Variants in PGR observed in about 807,000 individuals in gnomAD.
PGR encodes the protein nuclear receptor subfamily 3 group C member 3.
PGR carries 25 observed loss-of-function variants against 76.1 expected under a neutral mutation model. The observed-to-expected ratio is 0.33, with a 90% CI of 0.24 to 0.46. The LOEUF (loss-of-function observed/expected upper bound fraction) is 0.46. Ranked by LOEUF, PGR falls within the 20% of genes least tolerant of loss-of-function variation. The pLI is 1.00. For synonymous variants in PGR, 579 were observed against 535.0 expected, an observed-to-expected ratio of 1.08 and a Z score of -1.14; for missense variants, 1,172 against 1,225.3, an observed-to-expected ratio of 0.96 and a Z score of 0.65.
In PGR at chr11:101,039,161, C is replaced by CCCTGCACAA. The variant is rs1198435158; in HGVS notation, c.2756_2757insTTGTGCAGG (p.Lys919delinsAsnCysAlaGly). ...GGGGTTTCACCATCCCTGCCAATATCTTGGGTAATTGTGCAGCAATAACTT... is the reference window on the plus strand; with the variant it reads ...GGGGTTTCACCATCCCTGCCAATATCCCTGCACAATTGGGTAATTGTGCAGCAATAACTT... On this transcript the variant is annotated protein_altering_variant, in exon 8 of 8. Transcript: ENST00000325455. 6.2e-7 allele frequency: 1 copy of CCCTGCACAA among 1,612,022 alleles called. No homozygotes were observed. Among genetic ancestry groups the CCCTGCACAA allele is most frequent in the Non-Finnish European group, 8.5e-7 (1 of 1,178,480 alleles).
At chr11:101,094,558 T>C (rs1419255125) in intron 2 of PGR, among the ~76,000 whole-genome samples, 3 of 152,248 alleles carry the variant, frequency 2.0e-5, no homozygotes, top group African/African-American at 7.2e-5. Context: ...TATCTTCTGA[T>C]GGTCCCAAAA....
chr11:101,031,428 T>C lies in PGR; in HGVS notation c.*7688A>G, dbSNP rs945896824. The C allele has an allele frequency of 4.4e-6, 1 of 225,706 alleles. No homozygotes were observed. The highest frequency in any genetic ancestry group is 2.2e-5 in the African/African-American group (1 of 44,896). 14.0% of individuals were successfully genotyped at this position (225,706 alleles called of 1,614,324 possible). ...GAACTAACAATTTCCTTGATGGAAA[T>C]TGAATAAGGTAATCCAAAAAGAAGG... On this transcript the variant is annotated 3_prime_UTR_variant, in exon 8 of 8. Coordinates refer to ENST00000325455, the MANE Select transcript of PGR (RefSeq NM_000926.4).
chr11:101,112,970 A>T (rs930894154), intron 2 of PGR, among the ~76,000 whole-genome samples: 4 of 152,270 alleles, frequency 2.6e-5, no homozygotes, highest in African/African-American at 7.2e-5. Context: ...ATATGTGTTC[A>T]ATAAATGCCA....
At chr11:101,085,648 C>CCT in intron 3 of PGR, among the ~76,000 whole-genome samples, 1 of 145,726 alleles carries the variant, frequency 6.9e-6, no homozygotes, top group East Asian at 2.1e-4. Flanking sequence ...AAAGAATCAA[C>CCT]AAAACCAAAA....
chr11:101,067,165 C>T (rs1454171031), intron 3 of PGR, among the ~76,000 whole-genome samples: 2 of 152,140 alleles, frequency 1.3e-5, no homozygotes, highest in African/African-American at 2.4e-5. Flanking sequence ...TGACAAGTTC[C>T]TCTGCATGAA....
intron 3 of PGR, among the ~76,000 whole-genome samples, chr11:101,083,436 C>T (rs1481968641): frequency 6.6e-6 from 1 of 152,180 alleles, no homozygotes; most frequent in African/African-American, 2.4e-5. Flanking sequence ...AGAGGACCAC[C>T]ATCAACCAGA....
intron 3 of PGR, among the ~76,000 whole-genome samples, chr11:101,065,005 G>A (rs955206973): frequency 1.3e-5 from 2 of 152,174 alleles, no homozygotes; most frequent in African/African-American, 2.4e-5. Context: ...GTGTGTAGTA[G>A]GCTATACCAT....
intron 2 of PGR, among the ~76,000 whole-genome samples, chr11:101,115,332 A>G (rs182749613): frequency 6.6e-5 from 10 of 152,146 alleles, no homozygotes; most frequent in African/African-American, 2.4e-4. Flanking sequence ...TCAAAAACAC[A>G]TTTGATTTAT....
intron 4 of PGR, among the ~76,000 whole-genome samples, chr11:101,052,876 TAACAGCATTG>T (rs1860146286): frequency 6.6e-6 from 1 of 152,150 alleles, no homozygotes; most frequent in Admixed American, 6.6e-5. Flanking sequence ...TAGATGATGA[TAACAGCATTG>T]CTGAGATAAA....
intron 3 of PGR, among the ~76,000 whole-genome samples, chr11:101,081,393 C>G (rs531666): frequency 0.18 from 27,911 of 151,168 alleles, 3,100 homozygotes; most frequent in African/African-American, 0.32. Context: ...CTCACCACTG[C>G]ACTCCAGCCT....
In PGR at chr11:101,032,378, A is replaced by G. The variant is rs929293223; in HGVS notation, c.*6738T>C. 10 of 232,548 alleles carry G rather than the reference A, an allele frequency of 4.3e-5. No individual in the cohort carries two copies. The highest frequency in any genetic ancestry group is 6.6e-5 in the African/African-American group (3 of 45,296). 14.4% of individuals were successfully genotyped at this position (232,548 alleles called of 1,614,324 possible). A position where few individuals can be genotyped will look rare whatever the true frequency, so the allele number is the denominator to read the frequency against. On this transcript the variant is annotated 3_prime_UTR_variant, in exon 8 of 8. Transcript: ENST00000325455. ...AGTGGGAGTCTTCTAAAATATTCAT[A>G]TGAATTGTGCTGCTTTCCTGTTTAC... is the stretch of plus-strand genomic sequence containing the variant.
intron 3 of PGR, among the ~76,000 whole-genome samples, chr11:101,068,486 T>C (rs898405167): frequency 2.0e-5 from 3 of 152,140 alleles, no homozygotes; most frequent in Non-Finnish European, 2.9e-5. Flanking sequence ...CAAGCTAACA[T>C]TGACTTTCTT....
rs1025431009 is a variant in PGR at position 101,129,042 on chromosome 11, C to T, written c.29G>A (p.Arg10Gln). 2.6e-5 allele frequency: 40 copies of T among 1,562,860 alleles called. No homozygotes were observed. The East Asian group carries it at 3.7e-4, about 15-fold the overall frequency. MTELKAKGP[R>Q]APHVAGGPPS... ...CGGGCCGCCCGCCACGTGGGGAGCC[C>T]GGGGACCCTTTGCCTTCAGCTCAGT... Residue 10 changes from arginine (R) to glutamine (Q), a missense_variant, in exon 1 of 8, where the codon CGG becomes CAG. Physicochemically the swap from Arg to Gln is conservative, Grantham distance 43. Transcript: ENST00000325455.
At chr11:101,081,027 GA>G (rs1211210818) in intron 3 of PGR, among the ~76,000 whole-genome samples, 1 of 152,134 alleles carries the variant, frequency 6.6e-6, no homozygotes, top group Non-Finnish European at 1.5e-5. Context: ...GAAAGTAGGA[GA>G]AAAAGAAAAC....
At position 101,033,276 on chromosome 11, in the gene PGR, C is replaced by T; in HGVS notation, c.*5840G>A. The T allele has an allele frequency of 4.8e-6, 1 of 206,364 alleles. No individual in the cohort carries two copies. The highest frequency in any genetic ancestry group is 9.9e-6 in the Non-Finnish European group (1 of 101,028). 12.8% of individuals were successfully genotyped at this position (206,364 alleles called of 1,614,324 possible). On this transcript the variant is annotated 3_prime_UTR_variant, in exon 8 of 8. Transcript: ENST00000325455. ...AGGCAAATTCTGGAAAGTATTTCTACCTTATGGAGAACAAGCAGAGCCACA... is the reference window on the plus strand; with the variant it reads ...AGGCAAATTCTGGAAAGTATTTCTATCTTATGGAGAACAAGCAGAGCCACA...
rs762232027 is a variant in PGR at position 101,037,753 on chromosome 11, C to G, written c.*1363G>C. 4.4e-6 allele frequency: 1 copy of G among 226,584 alleles called. No homozygotes were observed. The highest frequency in any genetic ancestry group is 8.8e-6 in the Non-Finnish European group (1 of 113,908). The allele number at this position is 226,584 out of a possible 1,614,324, so 14.0% of individuals were successfully genotyped here. On this transcript the variant is annotated 3_prime_UTR_variant, in exon 8 of 8. Transcript: ENST00000325455. ...GCATGGGAGAAGAAAGTGATAAAGT[C>G]ATGGGTACAGAAATATGCAGAAATG... is the stretch of plus-strand genomic sequence containing the variant.
At chr11:101,110,636 A>C (rs1400351554) in intron 2 of PGR, among the ~76,000 whole-genome samples, 1 of 152,208 alleles carries the variant, frequency 6.6e-6, no homozygotes, top group Non-Finnish European at 1.5e-5. Flanking sequence ...CAAAAGATTT[A>C]GGATTTAGGA....
chr11:101,048,712 G>A (rs1247594372), intron 6 of PGR, among the ~76,000 whole-genome samples: 1 of 152,078 alleles, frequency 6.6e-6, no homozygotes, highest in Non-Finnish European at 1.5e-5. Context: ...GAAGGCCTAG[G>A]ACATTACTAT....
At position 101,042,031 on chromosome 11, in the gene PGR, T is replaced by C. The variant is rs745397774; in HGVS notation, c.2560A>G (p.Lys854Glu). The change falls in exon 7 of 8, where the codon AAG becomes GAG. Residue 854 changes from lysine (K) to glutamate (E), a missense_variant. Around this residue, in one of 4 missense-constraint regions of PGR, gnomAD observed 166 missense variants for 296.0 expected, o/e 0.56. Coordinates refer to ENST00000325455, the MANE Select transcript of PGR (RefSeq NM_000926.4). The part of the protein sequence containing the change: ...MRSSYIRELI[K>E]AIGLRQKGVV... Reference sequence around the variant, plus strand: ...CCTTTTTGCCTCAAACCAATTGCCTTGATGAGCTCTCTAATGTAGCTTGAC... The same window carrying C: ...CCTTTTTGCCTCAAACCAATTGCCTCGATGAGCTCTCTAATGTAGCTTGAC... 1 of 1,613,654 alleles carries C rather than the reference T, an allele frequency of 6.2e-7. No individual in the cohort carries two copies. Among genetic ancestry groups the C allele is most frequent in the Non-Finnish European group, 8.5e-7 (1 of 1,179,696 alleles).
Sources: allele counts gnomAD v4.1 joint callset (sites outside exome capture counted in the v4.1 genomes callset), GRCh38; gene constraint gnomAD v4.1.1; regional missense constraint gnomAD v4.1.1; transcripts MANE v1.5; gene names NCBI Gene and HGNC (gene_info 2026-07-23, HGNC 2026-07-21).